Variants in TVP23A observed in about 807,000 individuals in gnomAD.
TVP23A encodes the protein trans-golgi network vesicle protein 23 homolog A, also known as Golgi apparatus membrane protein TVP23 homolog A.
Under a neutral mutation model 31.7 loss-of-function variants are expected in TVP23A, and 21 were observed. The observed-to-expected ratio is 0.66, with a 90% confidence interval of 0.47 to 0.95. The LOEUF is 0.95. Among genes scored for constraint, TVP23A ranks in the 40% least tolerant of loss-of-function variants. The pLI is 0.00. For missense variants in TVP23A, 279 were observed against 255.6 expected (o/e 1.09, Z -0.62); for synonymous variants, 104 against 96.0 (o/e 1.08, Z -0.49).
chr16:10,769,272 TG>T, intron 7 of TVP23A, 171 bp from the exon 8 acceptor site: 1 of 599,672 alleles, frequency 1.7e-6, no homozygotes, highest in Admixed American at 3.0e-5. Context: ...ATTGAGTATT[TG>T]TACACTTTTC....
chr16:10,798,595 T>A (rs2033530886), intron 2 of TVP23A, among the ~76,000 whole-genome samples: 2 of 152,326 alleles, frequency 1.3e-5, no homozygotes, highest in Non-Finnish European at 2.9e-5. Flanking sequence ...CAATAAAATA[T>A]ATCAGAAGTG....
rs2032775800 is a variant in TVP23A at position 10,786,724 on chromosome 16, GGC to G, written c.90-11630_90-11629del. ...CACATCCTGGTGATGACTGGGGATG[GGC>G]ATTGGGAACCTGGTGATGACTGGGG... On this transcript the variant is annotated intron_variant, in intron 2 of 7. Coordinates refer to ENST00000299866, the MANE Select transcript of TVP23A (RefSeq NM_001079512.4). Among the ~76,000 whole-genome samples the G allele has an allele frequency of 0.011, 10 of 900 alleles. No homozygotes were observed. The Admixed American group carries it at 0.12, about 11-fold the overall frequency. The allele number at this position is 900 out of a possible 152,430, so 0.6% of individuals were successfully genotyped here.
In TVP23A at chr16:10,767,866, C is replaced by A; in HGVS notation, c.*1236G>T. On this transcript the variant is annotated 3_prime_UTR_variant, in exon 8 of 8. Transcript: ENST00000299866. This position sits in a 1 kb window ranked among gnomAD's most constrained non-coding sequence, Gnocchi z 4.6. ...GGGCTCAAGATCTTCCCATTGTCAC[C>A]AGCACGGAAAGAGCCCCAAGATCTT... The A allele has an allele frequency of 7.9e-7, 1 of 1,270,946 alleles. No individual in the cohort carries two copies. The highest frequency in any genetic ancestry group is 2.3e-5 in the East Asian group (1 of 43,036). 78.7% of individuals were successfully genotyped at this position (1,270,946 alleles called of 1,614,324 possible).
chr16:10,809,730 T>G (rs1023130950), intron 2 of TVP23A, among the ~76,000 whole-genome samples: 1 of 152,100 alleles, frequency 6.6e-6, no homozygotes, highest in South Asian at 2.1e-4. Context: ...TAGGGAGTGG[T>G]AGAATCAAGA....
intron 2 of TVP23A, among the ~76,000 whole-genome samples, chr16:10,816,171 G>A (rs997651827): frequency 6.9e-5 from 10 of 145,860 alleles, no homozygotes; most frequent in African/African-American, 2.6e-4. Flanking sequence ...AGGTTCCAGT[G>A]AGCCATAATT....
rs374526576 is a variant in TVP23A at position 10,777,124 on chromosome 16, C to T, written c.90-2028G>A. Among the ~76,000 whole-genome samples the T allele has an allele frequency of 4.6e-5, 7 of 152,206 alleles. No individual in the cohort carries two copies. The South Asian group carries it at 1.2e-3, about 27-fold the overall frequency. ...AGATGGAGTTGCTCTGGTTCACACG[C>T]CTCTGACACAGTGATGGATGAGAAT... On this transcript the variant is annotated intron_variant, in intron 2 of 7. Transcript: ENST00000299866. The surrounding 1 kb of genome is among the most constrained non-coding windows in gnomAD (Gnocchi z 4.5).
chr16:10,775,162 A>G (rs2031918886), intron 2 of TVP23A, 66 bp from the exon 3 acceptor site: 1 of 1,538,514 alleles, frequency 6.5e-7, no homozygotes, highest in Admixed American at 2.0e-5. Context: ...AACTCCCTTT[A>G]CCACTTCAGA....
intron 2 of TVP23A, among the ~76,000 whole-genome samples, chr16:10,812,418 A>C (rs912404960): frequency 6.6e-6 from 1 of 152,248 alleles, no homozygotes; most frequent in African/African-American, 2.4e-5. Flanking sequence ...TATATGGCCA[A>C]AAGAATTGAA....
chr16:10,808,545 C>G (rs757334183), intron 2 of TVP23A: 1 of 455,078 alleles, frequency 2.2e-6, no homozygotes. Context: ...ACCTTTAATC[C>G]CAGCACTTTG....
chr16:10,793,653 G>A (rs1183317648), intron 2 of TVP23A, among the ~76,000 whole-genome samples: 1 of 151,946 alleles, frequency 6.6e-6, no homozygotes, highest in African/African-American at 2.4e-5. Context: ...CCCAGCATTT[G>A]GGAGGCCAAG....
At chr16:10,776,585 A>AC (rs2032039099) in intron 2 of TVP23A, among the ~76,000 whole-genome samples, 1 of 152,116 alleles carries the variant, frequency 6.6e-6, no homozygotes, top group Admixed American at 6.5e-5. Context: ...CAGTTGTTAT[A>AC]CCAGAAAGGG....
chr16:10,811,179 T>C (rs942814669), intron 2 of TVP23A, among the ~76,000 whole-genome samples: 24 of 152,228 alleles, frequency 1.6e-4, no homozygotes, highest in Non-Finnish European at 3.1e-4. Flanking sequence ...ATAGTAGTAA[T>C]GGATGTACAA....
At position 10,813,857 on chromosome 16, in the gene TVP23A, A is replaced by AG. The variant is rs371078158; in HGVS notation, c.89+4245dup. Among the ~76,000 whole-genome samples, 1,048 of 151,940 alleles carry AG rather than the reference A, an allele frequency of 6.9e-3. 7 individuals are homozygous for AG. Among genetic ancestry groups the AG allele is most frequent in the African/African-American group, 0.019 (801 of 41,458 alleles). On this transcript the variant is annotated intron_variant, in intron 2 of 7. Coordinates refer to ENST00000299866, the MANE Select transcript of TVP23A (RefSeq NM_001079512.4). Reference sequence around the variant, plus strand: ...CTCTACTAAAAATACAAAATTAGCCAGCGTGGTGGCACGCACCTGTAATCC... The same window carrying AG: ...CTCTACTAAAAATACAAAATTAGCCAGGCGTGGTGGCACGCACCTGTAATCC...
In TVP23A at chr16:10,792,473, C is replaced by A. The variant is rs75246294; in HGVS notation, c.90-17377G>T. 9.4e-3 allele frequency among the ~76,000 whole-genome samples: 1,430 copies of A among 152,288 alleles called. 26 individuals carry two copies. Among genetic ancestry groups the A allele is most frequent in the African/African-American group, 0.033 (1,356 of 41,554 alleles). On this transcript the variant is annotated intron_variant, in intron 2 of 7. Coordinates refer to ENST00000299866, the MANE Select transcript of TVP23A (RefSeq NM_001079512.4). ...CGAAATGCAGGACCCACAACCCCAC[C>A]CCCAGGCCTCCTGAGCTAGAATCTG...
At position 10,818,528 on chromosome 16, in the gene TVP23A, G is replaced by C; in HGVS notation, c.-35C>G. On this transcript the variant is annotated 5_prime_UTR_variant, in exon 1 of 8. Transcript: ENST00000299866. The surrounding 1 kb of genome is among the most constrained non-coding windows in gnomAD (Gnocchi z 4.7). The stretch of plus-strand genomic sequence containing the variant: ...AGGAGCCCACCTGGCGCCCAGGCCC[G>C]GGGCTCCAGCTCCGCCCGTCGCCGC... 3.8e-6 allele frequency: 6 copies of C among 1,598,064 alleles called. No individual in the cohort carries two copies. The highest frequency in any genetic ancestry group is 1.1e-5 in the South Asian group (1 of 89,404).
At chr16:10,783,521 C>A (rs1386561227) in intron 2 of TVP23A, among the ~76,000 whole-genome samples, 1 of 152,026 alleles carries the variant, frequency 6.6e-6, no homozygotes, top group Non-Finnish European at 1.5e-5. Context: ...ACTAAAAATA[C>A]AAAATTTAGC....
chr16:10,791,448 C>CA (rs1166199647), intron 2 of TVP23A, among the ~76,000 whole-genome samples: 3 of 152,140 alleles, frequency 2.0e-5, no homozygotes, highest in Admixed American at 6.6e-5. Context: ...TCTTTTCTAA[C>CA]AAAGAGCAGC....
intron 2 of TVP23A, among the ~76,000 whole-genome samples, chr16:10,815,780 C>T (rs2034410118): frequency 6.6e-6 from 1 of 151,946 alleles, no homozygotes; most frequent in African/African-American, 2.4e-5. Context: ...ACAGTAGATA[C>T]TCAATAGAAA....
Position 10,818,657 on chromosome 16 carries a change from G to A in TVP23A, c.-164C>T. The stretch of plus-strand genomic sequence containing the variant: ...GCAGCCTCAGCGCAGCTTCTCGGGT[G>A]GGGCGGGGCGCTCGGGGCCTAAGGC... On this transcript the variant is annotated 5_prime_UTR_variant, in exon 1 of 8. Transcript: ENST00000299866. This position sits in a 1 kb window ranked among gnomAD's most constrained non-coding sequence, Gnocchi z 4.7. 1 of 833,760 alleles carries A rather than the reference G, an allele frequency of 1.2e-6. No homozygotes were observed. Among genetic ancestry groups the A allele is most frequent in the East Asian group, 3.3e-5 (1 of 30,626 alleles). The allele number at this position is 833,760 out of a possible 1,614,324, so 51.6% of individuals were successfully genotyped here. A position where few individuals can be genotyped will look rare whatever the true frequency, so the allele number is the denominator to read the frequency against.
Sources: gnomAD v4.1 joint callset for allele counts (sites outside exome capture counted in the v4.1 genomes callset) on GRCh38, gnomAD v4.1.1 for gene constraint, Gnocchi (gnomAD v3.1) non-coding constraint, MANE v1.5 for transcripts, NCBI Gene and HGNC (gene_info 2026-07-23, HGNC 2026-07-21) for gene names.